The following GCNT1 variants were observed in gnomAD, a reference collection of about 807,000 sequenced individuals.
The protein encoded by GCNT1 is beta-1,3-galactosyl-O-glycosyl-glycoprotein beta-1,6-N-acetylglucosaminyltransferase.
GCNT1 carries 16 observed loss-of-function variants against 26.2 expected under a neutral mutation model. The ratio of observed to expected loss-of-function variants is 0.61; its 90% CI spans 0.41 to 0.93. The LOEUF (loss-of-function observed/expected upper bound fraction) is 0.93, where lower values mean the gene tolerates loss of function less well. Among genes scored for constraint, GCNT1 ranks in the 40% least tolerant of loss-of-function variants. GCNT1 has a pLI of 0.00. For missense variants in GCNT1, 477 were observed against 526.7 expected (o/e 0.91, Z 0.92); for synonymous variants, 183 against 190.8 (o/e 0.96, Z 0.34).
upstream of GCNT1, among the ~76,000 whole-genome samples, chr9:76,456,905 G>A (rs1384569412): frequency 2.0e-5 from 3 of 152,198 alleles, no homozygotes; most frequent in Non-Finnish European, 4.4e-5. Flanking sequence ...GCAGGGGTAA[G>A]TTGAGGCTGC....
upstream of GCNT1, among the ~76,000 whole-genome samples, chr9:76,454,514 G>A (rs186836431): frequency 6.6e-6 from 1 of 152,074 alleles, no homozygotes; most frequent in African/African-American, 2.4e-5. Flanking sequence ...TCTTGGGAGG[G>A]GATGTGATAT....
At chr9:76,394,117 C>T in the GCNT1 span, 2 of 1,609,158 alleles carry the variant, frequency 1.2e-6, no homozygotes, top group East Asian at 2.2e-5. Flanking sequence ...TGCTTGGAGC[C>T]GCGGCCGAAG....
intron 2 of GCNT1, among the ~76,000 whole-genome samples, chr9:76,488,022 T>C (rs936366753): frequency 2.0e-5 from 3 of 152,246 alleles, no homozygotes; most frequent in African/African-American, 7.2e-5. Flanking sequence ...GCATGAGCCA[T>C]GGCACCTGTC....
chr9:76,394,197 T>C, the GCNT1 span: 2 of 1,563,742 alleles, frequency 1.3e-6, no homozygotes, highest in Non-Finnish European at 1.7e-6. Flanking sequence ...GGGAATGGGC[T>C]GCGGCCCGGT....
At chr9:76,411,427 C>T in the GCNT1 span, among the ~76,000 whole-genome samples, 1 of 149,848 alleles carries the variant, frequency 6.7e-6, no homozygotes. Flanking sequence ...CTCCTGAGCT[C>T]AAGTGATCCT....
chr9:76,448,426 TGG>T (rs1444974140), intron 1 of GCNT1, among the ~76,000 whole-genome samples: 2 of 152,138 alleles, frequency 1.3e-5, no homozygotes, highest in Non-Finnish European at 2.9e-5. Flanking sequence ...CACTCCAGCC[TGG>T]GTTGCAGAGT....
intron 1 of GCNT1, among the ~76,000 whole-genome samples, chr9:76,421,717 A>G (rs1409839733): frequency 5.4e-5 from 6 of 110,390 alleles, no homozygotes; most frequent in Non-Finnish European, 1.0e-4. Flanking sequence ...TTTTTTGGAA[A>G]TGGTCTCACT....
At chr9:76,498,316 A>G (rs1332453420) in intron 2 of GCNT1, among the ~76,000 whole-genome samples, 1 of 151,882 alleles carries the variant, frequency 6.6e-6, no homozygotes, top group African/African-American at 2.4e-5. Flanking sequence ...ATATGTTTTC[A>G]TTTTTCTTGG....
chr9:76,398,914 T>C, the GCNT1 span: 1 of 1,543,340 alleles, frequency 6.5e-7, no homozygotes, highest in Non-Finnish European at 8.9e-7. Context: ...AAAACCCTGC[T>C]GATGTCAGTG....
At chr9:76,496,524 TC>T (rs1396915975) in intron 2 of GCNT1, among the ~76,000 whole-genome samples, 3 of 152,180 alleles carry the variant, frequency 2.0e-5, no homozygotes, top group African/African-American at 7.2e-5. Context: ...GGTCATTTTG[TC>T]CATCTTCCCA....
At chr9:76,409,181 G>A in the GCNT1 span, among the ~76,000 whole-genome samples, 5 of 152,148 alleles carry the variant, frequency 3.3e-5, no homozygotes, top group South Asian at 2.1e-4. Context: ...TTTGGCGAAC[G>A]TGTCTTTAAG....
chr9:76,480,628 G>C (rs1036507642), intron 2 of GCNT1, among the ~76,000 whole-genome samples: 2 of 152,152 alleles, frequency 1.3e-5, no homozygotes, highest in South Asian at 4.1e-4. Flanking sequence ...TTGGGAGAGA[G>C]AGCATGGGGA....
chr9:76,419,259 C>T (rs574932794), upstream of GCNT1, among the ~76,000 whole-genome samples: 39 of 152,312 alleles, frequency 2.6e-4, no homozygotes, highest in Middle Eastern at 3.4e-3. Flanking sequence ...AGAATATACA[C>T]TCCATGACAA....
At chr9:76,431,335 A>G (rs1279546121) in intron 1 of GCNT1, among the ~76,000 whole-genome samples, 1 of 152,146 alleles carries the variant, frequency 6.6e-6, no homozygotes, top group East Asian at 1.9e-4. Flanking sequence ...CCATACTCTG[A>G]CCTACTCGCT....
intron 1 of GCNT1, among the ~76,000 whole-genome samples, chr9:76,448,288 C>T (rs1251031839): frequency 2.6e-5 from 4 of 152,068 alleles, no homozygotes; most frequent in African/African-American, 9.7e-5. Context: ...CCTATCTCTA[C>T]AAAAAATACA....
the GCNT1 span, among the ~76,000 whole-genome samples, chr9:76,401,954 A>T: frequency 1.3e-5 from 2 of 152,248 alleles, no homozygotes; most frequent in African/African-American, 4.8e-5. Context: ...GAGGAAAAGA[A>T]CTTTGAATCT....
chr9:76,494,139 C>G (rs905519786), intron 2 of GCNT1, among the ~76,000 whole-genome samples: 4 of 152,002 alleles, frequency 2.6e-5, no homozygotes, highest in African/African-American at 4.8e-5. Context: ...CTCACCGACA[C>G]AGCAGCAGAA....
chr9:76,419,973 A>T (rs1042821224), intron 1 of GCNT1: 4 of 152,288 alleles, frequency 2.6e-5, no homozygotes, highest in Non-Finnish European at 5.9e-5. Context: ...CTTTCCCAAG[A>T]GTGCACCCTC....
At chr9:76,394,143 C>T in the GCNT1 span, 6 of 1,609,554 alleles carry the variant, frequency 3.7e-6, no homozygotes. Context: ...CACCACTTGA[C>T]CCCGGCAGAA....
Sources: gnomAD v4.1 joint callset for allele counts (sites outside exome capture counted in the v4.1 genomes callset) on GRCh38, gnomAD v4.1.1 for gene constraint, MANE v1.5 for transcripts, NCBI Gene and HGNC (gene_info 2026-07-23, HGNC 2026-07-21) for gene names.